YTHDC1: variants seen among roughly 807,000 people sequenced by gnomAD.
YTHDC1 encodes the protein YTH domain-containing protein 1.
In YTHDC1, 12 loss-of-function variants were observed where a neutral mutation model predicts 107.0. The observed-to-expected ratio is 0.11, with a 90% CI of 0.07 to 0.18. The LOEUF is 0.18. YTHDC1 is among the 10% of genes least tolerant of loss of function. The pLI is 1.00. For missense variants in YTHDC1, 635 were observed against 898.8 expected, an observed-to-expected ratio of 0.71 and a Z score of 3.75; for synonymous variants, 280 against 289.5, an observed-to-expected ratio of 0.97 and a Z score of 0.33.
In YTHDC1 at chr4:68,314,235, C is replaced by G. The variant is rs775413315; in HGVS notation, c.2048G>C (p.Arg683Pro). The change falls in exon 17 of 17, where the codon CGG becomes CCG. Residue 683 changes from arginine to proline, a missense_variant. By Grantham distance (103) the Arg-to-Pro change is moderately radical. Coordinates refer to ENST00000344157, the MANE Select transcript of YTHDC1 (RefSeq NM_001031732.4). ...TCTAGGGCGGTCTCGCTCTCGTTCC[C>G]GGTCTCTTTCACGGGGTCTACTTCT... ...GRRSRPRERDRERERDRPRDN... is the reference protein window; with the variant it reads ...GRRSRPRERDPERERDRPRDN... 1 of 1,613,846 alleles carries G rather than the reference C, an allele frequency of 6.2e-7. No homozygotes were observed. Among genetic ancestry groups the G allele is most frequent in the Non-Finnish European group, 8.5e-7 (1 of 1,179,942 alleles).
At chr4:68,346,986 A>G (rs1439463113) in intron 1 of YTHDC1, among the ~76,000 whole-genome samples, 1 of 152,202 alleles carries the variant, frequency 6.6e-6, no homozygotes, top group African/African-American at 2.4e-5. Context: ...ACTGTTGTAT[A>G]ACTTAAACTG....
chr4:68,318,175 G>A (rs1722070186), intron 15 of YTHDC1, among the ~76,000 whole-genome samples: 1 of 152,198 alleles, frequency 6.6e-6, no homozygotes, highest in Admixed American at 6.5e-5. Flanking sequence ...TCGGCTCACT[G>A]TAACCTCTGC....
At chr4:68,329,775 T>C (rs1723376075) in intron 9 of YTHDC1, among the ~76,000 whole-genome samples, 1 of 152,220 alleles carries the variant, frequency 6.6e-6, no homozygotes, top group South Asian at 2.1e-4. Flanking sequence ...CCAGACAACA[T>C]TTCAAGCAAC....
At chr4:68,329,614 G>A (rs1428120786) in intron 9 of YTHDC1, among the ~76,000 whole-genome samples, 2 of 151,900 alleles carry the variant, frequency 1.3e-5, no homozygotes, top group African/African-American at 4.8e-5. Context: ...AGATCACAAT[G>A]GCAACTAAAC....
At chr4:68,320,247 T>G in intron 11 of YTHDC1, 42 bp from the exon 12 acceptor site, 1 of 1,452,284 alleles carries the variant, frequency 6.9e-7, no homozygotes, top group South Asian at 1.2e-5. Context: ...CAAAAACTGC[T>G]GGGAGAACAA....
rs761409177 is a variant in YTHDC1, at chr4:68,318,595, T to C, written c.1762-14A>G. 6.2e-7 allele frequency: 1 copy of C among 1,610,432 alleles called. No homozygotes were observed. The highest frequency in any genetic ancestry group is 1.1e-5 in the South Asian group (1 of 90,440). On this transcript the variant is annotated splice_polypyrimidine_tract_variant and intron_variant, in intron 14 of 16. Coordinates refer to ENST00000344157, the MANE Select transcript of YTHDC1 (RefSeq NM_001031732.4). Reference sequence around the variant, plus strand: ...ATCATTGTAGGACTAAAATAAAAGATGATAATGTCAATATAATTAAAAATT... The same window carrying C: ...ATCATTGTAGGACTAAAATAAAAGACGATAATGTCAATATAATTAAAAATT...
At position 68,311,634 on chromosome 4, in the gene YTHDC1, G is replaced by A. The variant is rs907113085; in HGVS notation, c.*2465C>T. 6.6e-6 allele frequency: 1 copy of A among 152,146 alleles called. No homozygotes were observed. Among genetic ancestry groups the A allele is most frequent in the Non-Finnish European group, 1.5e-5 (1 of 68,028 alleles). 9.4% of individuals were successfully genotyped at this position (152,146 alleles called of 1,614,324 possible). On this transcript the variant is annotated 3_prime_UTR_variant, in exon 17 of 17. Coordinates refer to ENST00000344157, the MANE Select transcript of YTHDC1 (RefSeq NM_001031732.4). ...CTTGCATTTTTTATACAATGTTCCG[G>A]TAAGTTTATTTTAAAAATTAGGAAA...
intron 1 of YTHDC1, among the ~76,000 whole-genome samples, chr4:68,348,291 G>A (rs2109753824): frequency 6.6e-6 from 1 of 151,866 alleles, no homozygotes; most frequent in South Asian, 2.1e-4. Flanking sequence ...GGTTCATTTC[G>A]CCCACCACAA....
rs942724383 is a variant in YTHDC1, at chr4:68,313,378, A to C, written c.*721T>G. On this transcript the variant is annotated 3_prime_UTR_variant, in exon 17 of 17. Transcript: ENST00000344157. ...AACAGTAGCAATGTAGAATATGGGA[A>C]TCGTCTTCCGCTGCCACGCACGCAA... 6.6e-6 allele frequency: 1 copy of C among 152,656 alleles called. No individual in the cohort carries two copies. Among genetic ancestry groups the C allele is most frequent in the Non-Finnish European group, 1.5e-5 (1 of 68,048 alleles). The allele number at this position is 152,656 out of a possible 1,614,324, so 9.5% of individuals were successfully genotyped here.
rs555435821 is a variant in YTHDC1 at position 68,318,409 on chromosome 4, G to A, written c.1824+110C>T. On this transcript the variant is annotated intron_variant, in intron 15 of 16. Coordinates refer to ENST00000344157, the MANE Select transcript of YTHDC1 (RefSeq NM_001031732.4). ...AGGTGTGAGCCACGGCGCCTGGCCA[G>A]TTTAAGTCTCTTTAATGAGTAACTG... 6 of 1,160,774 alleles carry A rather than the reference G, an allele frequency of 5.2e-6. No homozygotes were observed. The East Asian group carries it at 1.5e-4, about 30-fold the overall frequency. 71.9% of individuals were successfully genotyped at this position (1,160,774 alleles called of 1,614,324 possible). A position where few individuals can be genotyped will look rare whatever the true frequency, so the allele number is the denominator to read the frequency against.
intron 16 of YTHDC1, 151 bp from the exon 17 acceptor site, chr4:68,314,474 G>T: frequency 1.6e-6 from 1 of 635,426 alleles, no homozygotes; most frequent in East Asian, 3.0e-5. Flanking sequence ...ACAATCCAAA[G>T]AAATGCAATA....
At chr4:68,341,482 T>C (rs1224680402) in intron 1 of YTHDC1, among the ~76,000 whole-genome samples, 1 of 152,176 alleles carries the variant, frequency 6.6e-6, no homozygotes, top group Non-Finnish European at 1.5e-5. Flanking sequence ...TGTGTGGTTT[T>C]ACCACAAACT....
At chr4:68,341,984 G>GC (rs1724855689) in intron 1 of YTHDC1, among the ~76,000 whole-genome samples, 1 of 152,124 alleles carries the variant, frequency 6.6e-6, no homozygotes, top group African/African-American at 2.4e-5. Flanking sequence ...AAACCTGCCT[G>GC]CCCCAACCCT....
At position 68,312,781 on chromosome 4, in the gene YTHDC1, T is replaced by C. The variant is rs1721402436; in HGVS notation, c.*1318A>G. On this transcript the variant is annotated 3_prime_UTR_variant, in exon 17 of 17. Transcript: ENST00000344157. ...TTGATACTATAAAAAAATCAAACAT[T>C]CAAATATTCCTAATGTTTATAAAGG... 1 of 152,182 alleles carries C rather than the reference T, an allele frequency of 6.6e-6. No individual in the cohort carries two copies. The highest frequency in any genetic ancestry group is 1.5e-5 in the Non-Finnish European group (1 of 68,016). The allele number at this position is 152,182 out of a possible 1,614,324, so 9.4% of individuals were successfully genotyped here.
Position 68,350,063 on chromosome 4 carries a change from C to T in YTHDC1, c.-310G>A. The T allele has an allele frequency of 3.9e-6, 2 of 518,086 alleles. No homozygotes were observed. Among genetic ancestry groups the T allele is most frequent in the South Asian group, 2.3e-5 (1 of 42,774 alleles). 32.1% of individuals were successfully genotyped at this position (518,086 alleles called of 1,614,324 possible). On this transcript the variant is annotated 5_prime_UTR_variant, in exon 1 of 17. Transcript: ENST00000344157. ...GCGGCGCTAAAATGGAGCCTGCTTC[C>T]TGCGCGAAACAATCCCGCTCCCGAA...
rs115730469 is a variant in YTHDC1 at position 68,327,583 on chromosome 4, C to T, written c.1349+2419G>A. Among the ~76,000 whole-genome samples the T allele has an allele frequency of 3.1e-3, 471 of 152,092 alleles. 2 individuals are homozygous for T. Among genetic ancestry groups the T allele is most frequent in the African/African-American group, 0.011 (447 of 41,474 alleles). On this transcript the variant is annotated intron_variant, in intron 9 of 16. Coordinates refer to ENST00000344157, the MANE Select transcript of YTHDC1 (RefSeq NM_001031732.4). ...TGATGTAAGTGATCCAGGGATCACACCTAAAAAAGCTTAAGTCTAGTTATT... is the reference window on the plus strand; with the variant it reads ...TGATGTAAGTGATCCAGGGATCACATCTAAAAAAGCTTAAGTCTAGTTATT...
chr4:68,346,100 T>TATATATATATATAC (rs144743953), intron 1 of YTHDC1, among the ~76,000 whole-genome samples: 93 of 134,148 alleles, frequency 6.9e-4, no homozygotes, highest in African/African-American at 2.2e-3. Flanking sequence ...TATATATATA[T>TATATATATATATAC]ACACACACAC....
Position 68,313,815 on chromosome 4 carries a change from A to T in YTHDC1, c.*284T>A. 1 of 432,166 alleles carries T rather than the reference A, an allele frequency of 2.3e-6. No homozygotes were observed. The allele number at this position is 432,166 out of a possible 1,614,324, so 26.8% of individuals were successfully genotyped here. On this transcript the variant is annotated 3_prime_UTR_variant, in exon 17 of 17. Coordinates refer to ENST00000344157, the MANE Select transcript of YTHDC1 (RefSeq NM_001031732.4). Reference sequence around the variant, plus strand: ...ATAACTCTAGGATGAACACACTATAAGAACATTTATGGAGAAAGAATCAGT... The same window carrying T: ...ATAACTCTAGGATGAACACACTATATGAACATTTATGGAGAAAGAATCAGT...
chr4:68,312,147 CA>C lies in YTHDC1; in HGVS notation c.*1951del, dbSNP rs1487901750. The C allele has an allele frequency of 6.6e-6, 1 of 151,992 alleles. No individual in the cohort carries two copies. Among genetic ancestry groups the C allele is most frequent in the African/African-American group, 2.4e-5 (1 of 41,412 alleles). The allele number at this position is 151,992 out of a possible 1,614,324, so 9.4% of individuals were successfully genotyped here. On this transcript the variant is annotated 3_prime_UTR_variant, in exon 17 of 17. Transcript: ENST00000344157. ...TTTATTAATTTATATACTGTTTTTTCAAAAGTGATGAGGTGGTTTAGAAACA... is the reference window on the plus strand; with the variant it reads ...TTTATTAATTTATATACTGTTTTTTCAAAGTGATGAGGTGGTTTAGAAACA...
Sources: gnomAD v4.1 joint callset for allele counts (sites outside exome capture counted in the v4.1 genomes callset) on GRCh38, gnomAD v4.1.1 for gene constraint, MANE v1.5 for transcripts, NCBI Gene and HGNC (gene_info 2026-07-23, HGNC 2026-07-21) for gene names.